NOL12: variants seen among roughly 807,000 people sequenced by gnomAD.
NOL12 encodes nucleolar protein 12.
NOL12 carries 21 observed loss-of-function variants against 25.2 expected under a neutral mutation model. That is an observed-to-expected ratio of 0.83 (90% confidence interval 0.59 to 1.20). NOL12 has a LOEUF of 1.20. Ranked by LOEUF, NOL12 falls within the 50% of genes most tolerant of loss-of-function variation. NOL12 has a pLI of 0.00. For missense variants in NOL12, 286 were observed against 287.6 expected, an observed-to-expected ratio of 0.99 and a Z score of 0.04; for synonymous variants, 133 against 113.8, an observed-to-expected ratio of 1.17 and a Z score of -1.08.
At chr22:37,689,211 C>T (rs940865666) in intron 4 of NOL12, among the ~76,000 whole-genome samples, 3 of 152,238 alleles carry the variant, frequency 2.0e-5, no homozygotes, top group Admixed American at 6.5e-5. Context: ...TCCCTGCTTC[C>T]GGGGTGCTGC....
chr22:37,689,663 G>T (rs1007682535), intron 4 of NOL12, among the ~76,000 whole-genome samples: 1 of 152,208 alleles, frequency 6.6e-6, no homozygotes, highest in Non-Finnish European at 1.5e-5. Flanking sequence ...ACACAATTAC[G>T]ATATAAAACA....
At chr22:37,690,262 G>A (rs564367410) in intron 4 of NOL12, among the ~76,000 whole-genome samples, 7 of 152,308 alleles carry the variant, frequency 4.6e-5, no homozygotes, top group Non-Finnish European at 5.9e-5. Flanking sequence ...CTCAGGAGGC[G>A]CAGGTTGCAG....
chr22:37,689,065 G>C (rs1332434004), intron 4 of NOL12, 73 bp downstream of exon 4: 1 of 1,538,100 alleles, frequency 6.5e-7, no homozygotes, highest in Admixed American at 1.7e-5. Context: ...CTCAGTGCTG[G>C]CCCATGTCAT....
chr22:37,687,935 C>A lies in NOL12; in HGVS notation c.109C>A (p.Arg37=). ...GGAGTACCTGACAGGCTTCCACAAGCGGAAGGTCGAGCGAAAGAAGGCAGC... is the reference window on the plus strand; with the variant it reads ...GGAGTACCTGACAGGCTTCCACAAGAGGAAGGTCGAGCGAAAGAAGGCAGC... ...RREYLTGFHK[R]KVERKKAAIE... Residue 37 remains arginine, a synonymous_variant, in exon 2 of 6, where the codon CGG becomes AGG. Coordinates refer to ENST00000359114, the MANE Select transcript of NOL12 (RefSeq NM_024313.3). The A allele has an allele frequency of 6.3e-7, 1 of 1,580,178 alleles. No individual in the cohort carries two copies. The highest frequency in any genetic ancestry group is 1.8e-5 in the Admixed American group (1 of 55,120).
Position 37,688,332 on chromosome 22 carries a change from G to A in NOL12, c.210G>A (p.Lys70=). 3.7e-6 allele frequency: 6 copies of A among 1,614,228 alleles called. No individual in the cohort carries two copies. The highest frequency in any genetic ancestry group is 5.1e-6 in the Non-Finnish European group (6 of 1,180,042). Residue 70 remains lysine (K), a synonymous_variant, in exon 3 of 6, where the codon AAG becomes AAA. Transcript: ENST00000359114. ...TTCAGCGCCACCAGGAATACTTGAAGATGCTGGCAGAGAGAGAAGAGGCTC... is the reference window on the plus strand; with the variant it reads ...TTCAGCGCCACCAGGAATACTTGAAAATGCTGGCAGAGAGAGAAGAGGCTC... ...LREERHQEYL[K]MLAEREEALE... is the part of the protein sequence containing the mutation.
rs1569023627 is a variant in NOL12, at chr22:37,686,343, GC to G, written c.-49del. The G allele has an allele frequency of 1.9e-6, 3 of 1,544,366 alleles. No homozygotes were observed. The highest frequency in any genetic ancestry group is 2.6e-6 in the Non-Finnish European group (3 of 1,146,162). ...AGTGTGCGCCCGGGAGGATGAGTACGCTACACCCGGAAGTGTCTTCAGGGAG... is the reference window on the plus strand; with the variant it reads ...AGTGTGCGCCCGGGAGGATGAGTACGTACACCCGGAAGTGTCTTCAGGGAG... On this transcript the variant is annotated 5_prime_UTR_variant, in exon 1 of 6. Coordinates refer to ENST00000359114, the MANE Select transcript of NOL12 (RefSeq NM_024313.3).
At chr22:37,690,842 A>C (rs935743025) in intron 5 of NOL12, 48 bp downstream of exon 5, 1 of 1,395,462 alleles carries the variant, frequency 7.2e-7, no homozygotes, top group East Asian at 2.3e-5. Context: ...CCTGGCTGGC[A>C]GTAGTGACCT....
intron 3 of NOL12, 37 bp downstream of exon 3, chr22:37,688,397 G>C (rs6000861): frequency 3.1e-6 from 5 of 1,606,254 alleles, no homozygotes; most frequent in Non-Finnish European, 4.3e-6. Context: ...GAGAACAGCT[G>C]ATGGGCCTGG....
At position 37,686,370 on chromosome 22, in the gene NOL12, A is replaced by G. The variant is rs377032953; in HGVS notation, c.-23A>G. ...TACACCCGGAAGTGTCTTCAGGGAG[A>G]GGAAGCCGGCGGCCTCACTGCTATG... is the stretch of plus-strand genomic sequence containing the variant. On this transcript the variant is annotated 5_prime_UTR_variant, in exon 1 of 6. Transcript: ENST00000359114. 2 of 1,581,850 alleles carry G rather than the reference A, an allele frequency of 1.3e-6. No individual in the cohort carries two copies. The highest frequency in any genetic ancestry group is 1.7e-6 in the Non-Finnish European group (2 of 1,167,470).
rs1343541972 is a variant in NOL12, at chr22:37,691,434, G to A, written c.*98G>A. 3.7e-6 allele frequency: 5 copies of A among 1,356,096 alleles called. No individual in the cohort carries two copies. The highest frequency in any genetic ancestry group is 2.7e-5 in the East Asian group (1 of 37,620). 84.0% of individuals were successfully genotyped at this position (1,356,096 alleles called of 1,614,324 possible). A position where few individuals can be genotyped will look rare whatever the true frequency, so the allele number is the denominator to read the frequency against. On this transcript the variant is annotated 3_prime_UTR_variant, in exon 6 of 6. Transcript: ENST00000359114. Reference sequence around the variant, plus strand: ...CCCAGCCTGCACCTAGGTAATGACTGCACAGCTCAAGGTTGGGAAGCCAGG... The same window carrying A: ...CCCAGCCTGCACCTAGGTAATGACTACACAGCTCAAGGTTGGGAAGCCAGG...
intron 1 of NOL12, 34 bp from the exon 2 acceptor site, chr22:37,687,876 G>C: frequency 6.7e-7 from 1 of 1,502,932 alleles, no homozygotes; most frequent in Non-Finnish European, 9.1e-7. Context: ...CTTGTATAAT[G>C]ACTCTCCTGT....
chr22:37,690,795 G>T lies in NOL12; in HGVS notation c.479+1G>T. 6.2e-7 allele frequency: 1 copy of T among 1,611,004 alleles called. No homozygotes were observed. Among genetic ancestry groups the T allele is most frequent in the Non-Finnish European group, 8.5e-7 (1 of 1,177,394 alleles). On this transcript the variant is annotated splice_donor_variant, in intron 5 of 5. Transcript: ENST00000359114. LOFTEE classifies it high-confidence loss of function. ...CCAGAGACCCCCTGCTCTCTCAGCG[G>T]TGAGTCTTGGCCTGCTGCCTCCCCG...
chr22:37,687,855 G>A (rs1921890381), intron 1 of NOL12, 55 bp from the exon 2 acceptor site: 3 of 1,363,500 alleles, frequency 2.2e-6, no homozygotes, highest in Non-Finnish European at 3.1e-6. Flanking sequence ...CCTAGAGCGA[G>A]CCCTTCTCTC....
At chr22:37,687,873 A>G (rs1921891391) in intron 1 of NOL12, 37 bp from the exon 2 acceptor site, 2 of 1,494,852 alleles carry the variant, frequency 1.3e-6, no homozygotes, top group South Asian at 2.4e-5. Flanking sequence ...CTCCTTGTAT[A>G]ATGACTCTCC....
chr22:37,692,147 G>A lies in NOL12; in HGVS notation c.*811G>A, dbSNP rs147569095. The A allele has an allele frequency of 3.6e-3, 646 of 177,556 alleles. 7 individuals carry two copies. Among genetic ancestry groups the A allele is most frequent in the African/African-American group, 0.014 (614 of 42,626 alleles). The allele number at this position is 177,556 out of a possible 1,614,324, so 11.0% of individuals were successfully genotyped here. The stretch of plus-strand genomic sequence containing the variant: ...CCAGGCGGGCAGATCACTTAAGGTC[G>A]GGAGCTCGAGACCAGCCTGGCCAAC... On this transcript the variant is annotated 3_prime_UTR_variant, in exon 6 of 6. Transcript: ENST00000359114.
intron 4 of NOL12, 117 bp downstream of exon 4, chr22:37,689,109 C>T (rs931097965): frequency 8.7e-6 from 11 of 1,269,392 alleles, no homozygotes; most frequent in South Asian, 6.5e-5. Flanking sequence ...GAAGAAGGGG[C>T]GTGGGGGCAG....
Position 37,692,747 on chromosome 22 carries a change from G to A in NOL12, c.*1411G>A, listed in dbSNP as rs1601609300. 1 of 399,194 alleles carries A rather than the reference G, an allele frequency of 2.5e-6. No individual in the cohort carries two copies. Among genetic ancestry groups the A allele is most frequent in the East Asian group, 3.6e-5 (1 of 28,086 alleles). 24.7% of individuals were successfully genotyped at this position (399,194 alleles called of 1,614,324 possible). A position where few individuals can be genotyped will look rare whatever the true frequency, so the allele number is the denominator to read the frequency against. On this transcript the variant is annotated 3_prime_UTR_variant, in exon 6 of 6. Coordinates refer to ENST00000359114, the MANE Select transcript of NOL12 (RefSeq NM_024313.3). Reference sequence around the variant, plus strand: ...GGAGCTCCTGGAGTGGGGGTGAGCAGTGAGCCAGGGTCTGCAGGGCTGTCC... The same window carrying A: ...GGAGCTCCTGGAGTGGGGGTGAGCAATGAGCCAGGGTCTGCAGGGCTGTCC...
rs1922133114 is a variant in NOL12 at position 37,692,883 on chromosome 22, C to G, written c.*1547C>G. ...CCCTCTCCCATGTCACCATCAAAACCCACTGATGAAGGCTGGTGGGAGTCT... is the reference window on the plus strand; with the variant it reads ...CCCTCTCCCATGTCACCATCAAAACGCACTGATGAAGGCTGGTGGGAGTCT... On this transcript the variant is annotated 3_prime_UTR_variant, in exon 6 of 6. Transcript: ENST00000359114. 2.5e-6 allele frequency: 1 copy of G among 396,170 alleles called. No homozygotes were observed. The highest frequency in any genetic ancestry group is 4.4e-6 in the Non-Finnish European group (1 of 225,128). The allele number at this position is 396,170 out of a possible 1,614,324, so 24.5% of individuals were successfully genotyped here.
At chr22:37,686,657 C>T (rs1327215315) in intron 1 of NOL12, 182 bp downstream of exon 1, 4 of 985,332 alleles carry the variant, frequency 4.1e-6, no homozygotes, top group Non-Finnish European at 2.4e-6. Context: ...CACCTTCTCC[C>T]TTCTTGACCT....
Sources: gnomAD v4.1 joint callset for allele counts (sites outside exome capture counted in the v4.1 genomes callset) on GRCh38, gnomAD v4.1.1 for gene constraint, MANE v1.5 for transcripts, NCBI Gene and HGNC (gene_info 2026-07-23, HGNC 2026-07-21) for gene names.